SIK3: variants seen among roughly 807,000 people sequenced by gnomAD.
SIK3 encodes serine/threonine-protein kinase SIK3.
A neutral mutation model predicts 144.2 loss-of-function variants in SIK3; 28 were observed. The observed-to-expected ratio is 0.19, with a 90% confidence interval of 0.14 to 0.27. The LOEUF (loss-of-function observed/expected upper bound fraction) is 0.27, where lower values mean the gene tolerates loss of function less well. SIK3 is among the 10% of genes least tolerant of loss of function. SIK3 has a pLI of 1.00. For synonymous variants in SIK3, 686 were observed against 676.3 expected (o/e 1.01, Z -0.22); for missense variants, 1,319 against 1,776.0 (o/e 0.74, Z 4.62).
chr11:117,074,162 A>C (rs1156333815), intron 1 of SIK3, among the ~76,000 whole-genome samples: 1 of 152,194 alleles, frequency 6.6e-6, no homozygotes, highest in Non-Finnish European at 1.5e-5. Flanking sequence ...CCAAGATGGC[A>C]ATCAAACCAT....
intron 1 of SIK3, among the ~76,000 whole-genome samples, chr11:116,959,777 T>A (rs187138192): frequency 8.5e-5 from 13 of 152,308 alleles, no homozygotes; most frequent in East Asian, 3.9e-4. Flanking sequence ...ATTAAATGCA[T>A]TTCTGACTTA....
chr11:117,064,658 T>C (rs560324034), intron 1 of SIK3, among the ~76,000 whole-genome samples: 3 of 152,212 alleles, frequency 2.0e-5, no homozygotes, highest in Non-Finnish European at 2.9e-5. Context: ...GGCTGCTTTT[T>C]AAAAAGGCAT....
chr11:116,944,218 TC>T (rs1948458222), intron 3 of SIK3, among the ~76,000 whole-genome samples: 1 of 152,140 alleles, frequency 6.6e-6, no homozygotes, highest in Non-Finnish European at 1.5e-5. Context: ...GGCCTGGCCT[TC>T]CCTTGGCTTC....
chr11:116,907,108 C>T (rs1946081391), intron 4 of SIK3, among the ~76,000 whole-genome samples: 1 of 152,190 alleles, frequency 6.6e-6, no homozygotes, highest in African/African-American at 2.4e-5. Flanking sequence ...CTGTTGAGTG[C>T]TGCGCTACAG....
chr11:116,904,498 A>C (rs1945918823), intron 4 of SIK3, among the ~76,000 whole-genome samples: 1 of 152,134 alleles, frequency 6.6e-6, no homozygotes, highest in South Asian at 2.1e-4. Flanking sequence ...CCACATTTAA[A>C]AATTTTATTA....
intron 1 of SIK3, among the ~76,000 whole-genome samples, chr11:117,024,053 C>CA: frequency 6.6e-6 from 1 of 152,178 alleles, no homozygotes; most frequent in Non-Finnish European, 1.5e-5. Flanking sequence ...ACTGTATATT[C>CA]TCCAAGCCCA....
intron 1 of SIK3, among the ~76,000 whole-genome samples, chr11:117,054,908 A>G (rs1389171711): frequency 4.6e-5 from 7 of 152,352 alleles, no homozygotes; most frequent in Admixed American, 3.3e-4. Flanking sequence ...TGGGCAGAAC[A>G]GGACAAAAAG....
rs528429467 is a variant in SIK3, at chr11:116,873,771, G to A, written c.1581+132C>T. 6.9e-4 allele frequency: 1,012 copies of A among 1,464,516 alleles called. 1 individual carries two copies. The highest frequency in any genetic ancestry group is 8.8e-4 in the Non-Finnish European group (959 of 1,090,282). 90.7% of individuals were successfully genotyped at this position (1,464,516 alleles called of 1,614,324 possible). A position where few individuals can be genotyped will look rare whatever the true frequency, so the allele number is the denominator to read the frequency against. ...ACTAGAGGACGCTTCCCGCTCACCCGAGCTACTTTGCAAGATAAATCATCT... is the reference window on the plus strand; with the variant it reads ...ACTAGAGGACGCTTCCCGCTCACCCAAGCTACTTTGCAAGATAAATCATCT... On this transcript the variant is annotated intron_variant, in intron 12 of 24. Transcript: ENST00000445177.
intron 1 of SIK3, among the ~76,000 whole-genome samples, chr11:117,033,151 C>G (rs1014636760): frequency 2.6e-5 from 4 of 152,124 alleles, no homozygotes; most frequent in Non-Finnish European, 4.4e-5. Flanking sequence ...TGTTTGTTCT[C>G]TTCTTTAAAC....
chr11:117,050,009 A>G (rs1304348464), intron 1 of SIK3, among the ~76,000 whole-genome samples: 2 of 152,050 alleles, frequency 1.3e-5, no homozygotes, highest in African/African-American at 2.4e-5. Flanking sequence ...ATAAGATAGC[A>G]GCCGGGCACA....
intron 1 of SIK3, among the ~76,000 whole-genome samples, chr11:116,959,754 A>G (rs1278559253): frequency 6.6e-6 from 1 of 152,198 alleles, no homozygotes; most frequent in Non-Finnish European, 1.5e-5. Flanking sequence ...GTGGGTAGAT[A>G]ACAATAGAGT....
intron 4 of SIK3, among the ~76,000 whole-genome samples, chr11:116,924,774 T>G (rs1265527977): frequency 1.3e-5 from 2 of 152,198 alleles, no homozygotes; most frequent in African/African-American, 4.8e-5. Context: ...GGGGGTGTCC[T>G]CTGCTATCCA....
intron 1 of SIK3, among the ~76,000 whole-genome samples, chr11:117,038,696 C>T (rs1242776634): frequency 2.7e-5 from 4 of 147,328 alleles, no homozygotes; most frequent in Non-Finnish European, 6.0e-5. Flanking sequence ...CTCCTTTTAC[C>T]TTTGTTAATA....
chr11:116,854,177 T>C (rs757321925), intron 21 of SIK3, among the ~76,000 whole-genome samples: 3 of 151,898 alleles, frequency 2.0e-5, no homozygotes, highest in Admixed American at 1.3e-4. Context: ...CCCGGCGACA[T>C]AGCAAGACCC....
intron 1 of SIK3, among the ~76,000 whole-genome samples, chr11:117,097,247 A>G (rs1955515976): frequency 6.6e-6 from 1 of 152,140 alleles, no homozygotes; most frequent in Non-Finnish European, 1.5e-5. Flanking sequence ...TAAGGGCTCG[A>G]TGAGTGTAAT....
chr11:117,042,394 T>C (rs1952785403), intron 1 of SIK3, among the ~76,000 whole-genome samples: 1 of 152,190 alleles, frequency 6.6e-6, no homozygotes, highest in African/African-American at 2.4e-5. Context: ...GCCAGAGTGT[T>C]GTCTCGCTGC....
chr11:116,902,090 C>T (rs576570741), intron 4 of SIK3, among the ~76,000 whole-genome samples: 4 of 152,170 alleles, frequency 2.6e-5, no homozygotes, highest in Non-Finnish European at 5.9e-5. Flanking sequence ...AGGAGAAATG[C>T]GAATGATTCT....
intron 4 of SIK3, among the ~76,000 whole-genome samples, chr11:116,920,733 G>A (rs927355257): frequency 3.3e-5 from 5 of 152,036 alleles, no homozygotes; most frequent in Non-Finnish European, 7.4e-5. Flanking sequence ...TATCAGTACC[G>A]CCTGAACTTC....
chr11:117,060,239 A>T (rs1953732251), intron 1 of SIK3, among the ~76,000 whole-genome samples: 1 of 152,230 alleles, frequency 6.6e-6, no homozygotes, highest in Admixed American at 6.5e-5. Flanking sequence ...AAAAAAAGTC[A>T]ATCTGAAAAG....
Sources: gnomAD v4.1 joint callset for allele counts (sites outside exome capture counted in the v4.1 genomes callset) on GRCh38, gnomAD v4.1.1 for gene constraint, MANE v1.5 for transcripts, NCBI Gene and HGNC (gene_info 2026-07-23, HGNC 2026-07-21) for gene names.